TTC28: variants seen among roughly 807,000 people sequenced by gnomAD.
TTC28 encodes the protein tetratricopeptide repeat domain 28.
A neutral mutation model predicts 198.0 loss-of-function variants in TTC28; 61 were observed. The observed-to-expected ratio is 0.31, with a 90% CI of 0.25 to 0.38. The LOEUF (loss-of-function observed/expected upper bound fraction) is 0.38. TTC28 is among the 10% of genes least tolerant of loss of function. The pLI is 1.00. For synonymous variants in TTC28, 1,171 were observed against 1,297.8 expected (o/e 0.90, Z 2.10); for missense variants, 2,678 against 3,164.0 (o/e 0.85, Z 3.69).
intron 12 of TTC28, among the ~76,000 whole-genome samples, chr22:28,070,446 T>C (rs1569119572): frequency 2.6e-5 from 4 of 152,026 alleles, no homozygotes; most frequent in Non-Finnish European, 1.5e-5. Context: ...CCCAAAGAAA[T>C]TTCTGTAGAG....
At chr22:28,059,078 T>C (rs1940407567) in intron 12 of TTC28, among the ~76,000 whole-genome samples, 2 of 152,000 alleles carry the variant, frequency 1.3e-5, no homozygotes, top group African/African-American at 4.8e-5. Context: ...TTCAATATTG[T>C]TTCTCCGTTT....
intron 12 of TTC28, among the ~76,000 whole-genome samples, chr22:28,039,151 C>G (rs912056103): frequency 1.4e-4 from 22 of 152,084 alleles, no homozygotes; most frequent in Admixed American, 1.2e-3. Context: ...ACCATTTGAC[C>G]CAGCCATCCC....
At chr22:28,469,423 T>C (rs549078021) in intron 2 of TTC28, among the ~76,000 whole-genome samples, 1 of 152,270 alleles carries the variant, frequency 6.6e-6, no homozygotes, top group African/African-American at 2.4e-5. Flanking sequence ...GAATCTGTAA[T>C]GCTAGTTTAT....
intron 2 of TTC28, among the ~76,000 whole-genome samples, chr22:28,372,188 C>T (rs965954752): frequency 6.6e-6 from 1 of 152,138 alleles, no homozygotes; most frequent in African/African-American, 2.4e-5. Context: ...AATTGATCAT[C>T]CACAGTTGGA....
chr22:28,000,098 C>G (rs2146544889), intron 15 of TTC28: 1 of 152,298 alleles, frequency 6.6e-6, no homozygotes, highest in African/African-American at 2.4e-5. Flanking sequence ...TCAGCCGGCA[C>G]GGTGGGCCGC....
At chr22:28,414,992 C>T (rs1264423794) in intron 2 of TTC28, among the ~76,000 whole-genome samples, 5 of 152,116 alleles carry the variant, frequency 3.3e-5, no homozygotes, top group Non-Finnish European at 1.5e-5. Context: ...TGGGAAAAAA[C>T]CAATGATCTA....
intron 13 of TTC28, chr22:28,029,104 C>T (rs1179180027): frequency 4.2e-6 from 2 of 471,090 alleles, no homozygotes; most frequent in African/African-American, 4.0e-5. Context: ...CCTCCGCAAA[C>T]CTGGTTGCAT....
At chr22:28,537,162 G>A (rs368015112) in intron 2 of TTC28, among the ~76,000 whole-genome samples, 18 of 150,760 alleles carry the variant, frequency 1.2e-4, no homozygotes, top group East Asian at 1.2e-3. Context: ...GCGTGGTGGC[G>A]GGTGCCTGTA....
intron 5 of TTC28, among the ~76,000 whole-genome samples, chr22:28,224,168 C>A (rs750290795): frequency 6.6e-6 from 1 of 152,134 alleles, no homozygotes; most frequent in African/African-American, 2.4e-5. Flanking sequence ...GGACCCAGGA[C>A]CACATGTTAG....
intron 5 of TTC28, among the ~76,000 whole-genome samples, chr22:28,259,099 G>A (rs1931150200): frequency 6.6e-6 from 1 of 152,086 alleles, no homozygotes. Flanking sequence ...AAACATGGTG[G>A]ATGAGCATAT....
rs1047856919 is a variant in TTC28 at position 28,459,425 on chromosome 22, G to A, written c.382-152782C>T. Among the ~76,000 whole-genome samples, 24 of 151,618 alleles carry A rather than the reference G, an allele frequency of 1.6e-4. 1 individual carries two copies. The highest frequency in any genetic ancestry group is 3.2e-3 in the Middle Eastern group (1 of 314). On this transcript the variant is annotated intron_variant, in intron 2 of 22. Transcript: ENST00000397906. ...CAGCCTGGGTGACAGAGTGAGACCC[G>A]GTTTCAAAGAAAAAAAAAATTAAAG... is the stretch of plus-strand genomic sequence containing the variant.
At chr22:28,614,061 TAATCTCCTTAAGCTG>T in intron 2 of TTC28, among the ~76,000 whole-genome samples, 1 of 152,126 alleles carries the variant, frequency 6.6e-6, no homozygotes, top group Non-Finnish European at 1.5e-5. Context: ...TCTTAGCCCA[TAATCTCCTTAAGCTG>T]ATAAGCAACT....
At chr22:28,642,258 G>A (rs530969988) in intron 1 of TTC28, among the ~76,000 whole-genome samples, 2 of 151,300 alleles carry the variant, frequency 1.3e-5, no homozygotes, top group Admixed American at 6.6e-5. Context: ...ATTAAAACAA[G>A]TGGGTAATGT....
intron 6 of TTC28, among the ~76,000 whole-genome samples, chr22:28,137,492 C>T (rs886196966): frequency 6.6e-6 from 1 of 152,032 alleles, no homozygotes; most frequent in African/African-American, 2.4e-5. Context: ...CCTGCAAGAA[C>T]CTTAAACAAA....
At chr22:28,179,208 G>A (rs1350517592) in intron 5 of TTC28, among the ~76,000 whole-genome samples, 4 of 147,986 alleles carry the variant, frequency 2.7e-5, no homozygotes, top group Non-Finnish European at 5.9e-5. Context: ...ACCCAGGCCT[G>A]GAGTGCAGTG....
chr22:28,222,497 G>A (rs539315927), intron 5 of TTC28, among the ~76,000 whole-genome samples: 1 of 152,324 alleles, frequency 6.6e-6, no homozygotes, highest in South Asian at 2.1e-4. Context: ...TCATTCTGCA[G>A]TGAGAATGGC....
chr22:28,494,899 G>T (rs1352641481), intron 2 of TTC28, among the ~76,000 whole-genome samples: 1 of 151,880 alleles, frequency 6.6e-6, no homozygotes, highest in Non-Finnish European at 1.5e-5. Context: ...AGAAAATATT[G>T]CATTGATGAA....
intron 6 of TTC28, among the ~76,000 whole-genome samples, chr22:28,158,097 C>A (rs908667993): frequency 6.6e-6 from 1 of 151,696 alleles, no homozygotes; most frequent in African/African-American, 2.4e-5. Context: ...ATACAAAAAT[C>A]AGCAGCATTT....
chr22:28,616,248 T>C (rs530504150), intron 2 of TTC28, among the ~76,000 whole-genome samples: 3 of 152,194 alleles, frequency 2.0e-5, no homozygotes, highest in Non-Finnish European at 4.4e-5. Flanking sequence ...CCTAGACAAG[T>C]ATACAATCTC....
Sources: allele counts gnomAD v4.1 joint callset (sites outside exome capture counted in the v4.1 genomes callset), GRCh38; gene constraint gnomAD v4.1.1; transcripts MANE v1.5; gene names NCBI Gene and HGNC (gene_info 2026-07-23, HGNC 2026-07-21).